THADA: variants seen among roughly 807,000 people sequenced by gnomAD.
THADA encodes the protein tRNA (32-2'-O)-methyltransferase regulator THADA.
A neutral mutation model predicts 219.8 loss-of-function variants in THADA; 213 were observed. That is an observed-to-expected ratio of 0.97 (90% CI 0.87 to 1.09). The LOEUF (loss-of-function observed/expected upper bound fraction) is 1.09. THADA is among the 50% of genes least tolerant of loss of function. THADA has a pLI of 0.00. For missense variants in THADA, 2,956 were observed against 2,311.3 expected, an observed-to-expected ratio of 1.28 and a Z score of -5.72; for synonymous variants, 1,018 against 828.9, an observed-to-expected ratio of 1.23 and a Z score of -3.92.
Position 43,530,539 on chromosome 2 carries a change from G to A in THADA, c.3265-2551C>T, listed in dbSNP as rs533849430. Among the ~76,000 whole-genome samples, 268 of 152,286 alleles carry A rather than the reference G, an allele frequency of 1.8e-3. 1 individual carries two copies. The highest frequency in any genetic ancestry group is 6.2e-3 in the African/African-American group (257 of 41,580). On this transcript the variant is annotated intron_variant, in intron 21 of 37. Transcript: ENST00000405975. ...TATTAGAGAAACAAGAGATTTCTAA[G>A]AAGGTACTTAAAGACAGAAAATAAA...
At chr2:43,267,561 G>C (rs1671662063) in intron 36 of THADA, among the ~76,000 whole-genome samples, 1 of 152,188 alleles carries the variant, frequency 6.6e-6, no homozygotes, top group African/African-American at 2.4e-5. Context: ...GCTGAGATCT[G>C]TGGCAGATGA....
chr2:43,538,072 A>C (rs531345825), intron 21 of THADA, among the ~76,000 whole-genome samples: 5 of 152,302 alleles, frequency 3.3e-5, no homozygotes, highest in African/African-American at 1.2e-4. Flanking sequence ...AAATCTACCT[A>C]GTAGTTTCTT....
chr2:43,520,106 AG>A (rs1300190176), intron 22 of THADA, among the ~76,000 whole-genome samples: 2 of 152,228 alleles, frequency 1.3e-5, no homozygotes, highest in Non-Finnish European at 2.9e-5. Context: ...GGATATAAAA[AG>A]AAAGGTTCTC....
chr2:43,591,825 A>T, intron 3 of THADA, 127 bp downstream of exon 3: 2 of 554,868 alleles, frequency 3.6e-6, no homozygotes, highest in Non-Finnish European at 6.0e-6. Flanking sequence ...AAAAAAAAAA[A>T]TACTTATTTG....
chr2:43,487,555 G>C (rs970221240), intron 25 of THADA, among the ~76,000 whole-genome samples: 4 of 152,198 alleles, frequency 2.6e-5, no homozygotes, highest in African/African-American at 9.6e-5. Context: ...CTATCTGCCT[G>C]ATCCATCCTG....
intron 16 of THADA, among the ~76,000 whole-genome samples, chr2:43,557,917 C>A (rs896477578): frequency 1.3e-5 from 2 of 152,050 alleles, no homozygotes; most frequent in Admixed American, 6.5e-5. Context: ...AAATTCTTTA[C>A]CATTTGATAA....
chr2:43,582,815 T>C (rs2104108292), intron 7 of THADA, among the ~76,000 whole-genome samples: 1 of 152,060 alleles, frequency 6.6e-6, no homozygotes, highest in East Asian at 2.0e-4. Flanking sequence ...GTGATCCACC[T>C]GCCTCGCCCT....
In THADA at chr2:43,510,106, A is replaced by T. The variant is rs544436389; in HGVS notation, c.3375-1326T>A. The stretch of plus-strand genomic sequence containing the variant: ...AGGAAATTTATATACGTACTAGATA[A>T]TAGATAACATCAAGAAATTCTTTAT... On this transcript the variant is annotated intron_variant, in intron 22 of 37. Coordinates refer to ENST00000405975, the MANE Select transcript of THADA (RefSeq NM_022065.5). 7.7e-4 allele frequency among the ~76,000 whole-genome samples: 118 copies of T among 152,362 alleles called. 3 individuals carry two copies. The South Asian group carries it at 0.023, about 30-fold the overall frequency.
At chr2:43,484,957 A>AC (rs1411673857) in intron 26 of THADA, among the ~76,000 whole-genome samples, 1 of 151,188 alleles carries the variant, frequency 6.6e-6, no homozygotes, top group African/African-American at 2.5e-5. Flanking sequence ...AAAAAAACAA[A>AC]AAAAACACTA....
intron 26 of THADA, among the ~76,000 whole-genome samples, chr2:43,469,320 T>C (rs1458242959): frequency 3.3e-5 from 5 of 152,168 alleles, no homozygotes; most frequent in African/African-American, 1.2e-4. Context: ...TAATAAATAT[T>C]TGTGGGTTTG....
intron 30 of THADA, among the ~76,000 whole-genome samples, chr2:43,340,006 G>A (rs1312730725): frequency 6.6e-6 from 1 of 152,130 alleles, no homozygotes; most frequent in Non-Finnish European, 1.5e-5. Context: ...CAGACTGGGT[G>A]ATTCCTCTCT....
At chr2:43,585,346 CAAAAAAA>C (rs34682195) in intron 7 of THADA, among the ~76,000 whole-genome samples, 1,295 of 95,330 alleles carry the variant, frequency 0.014, 5 homozygotes, top group South Asian at 0.03. Context: ...CTCATTCCTA[CAAAAAAA>C]AAAAAAAAAA....
intron 26 of THADA, among the ~76,000 whole-genome samples, chr2:43,468,593 C>T (rs1684544494): frequency 6.6e-6 from 1 of 152,166 alleles, no homozygotes; most frequent in South Asian, 2.1e-4. Flanking sequence ...ATACTCACTG[C>T]TACCAAAGCT....
chr2:43,358,515 G>A (rs1669128326), intron 29 of THADA, among the ~76,000 whole-genome samples: 1 of 152,180 alleles, frequency 6.6e-6, no homozygotes. Flanking sequence ...AGCCAGAACT[G>A]TATCTCTAAT....
chr2:43,298,686 G>A (rs954714901), intron 31 of THADA, among the ~76,000 whole-genome samples: 1 of 152,142 alleles, frequency 6.6e-6, no homozygotes, highest in Non-Finnish European at 1.5e-5. Flanking sequence ...TGTAAGTATA[G>A]TCTGCTGGAC....
chr2:43,483,863 A>G (rs1397383838), intron 26 of THADA, among the ~76,000 whole-genome samples: 1 of 151,974 alleles, frequency 6.6e-6, no homozygotes, highest in African/African-American at 2.4e-5. Context: ...ATGACTTAAT[A>G]TCATATTTCA....
At chr2:43,357,200 T>C (rs746754283) in intron 29 of THADA, among the ~76,000 whole-genome samples, 1 of 152,240 alleles carries the variant, frequency 6.6e-6, no homozygotes, top group South Asian at 2.1e-4. Flanking sequence ...AAATGTTTAA[T>C]TTCATTAGTG....
chr2:43,396,494 T>C (rs1674053930), intron 29 of THADA, among the ~76,000 whole-genome samples: 1 of 152,096 alleles, frequency 6.6e-6, no homozygotes, highest in African/African-American at 2.4e-5. Flanking sequence ...AGGCATTTGT[T>C]GAATATAGAA....
intron 10 of THADA, among the ~76,000 whole-genome samples, chr2:43,575,599 C>T (rs1320479982): frequency 2.0e-5 from 3 of 152,044 alleles, no homozygotes; most frequent in South Asian, 2.1e-4. Flanking sequence ...TGCAGTGGTG[C>T]GATCTCGGCT....
Sources: gnomAD v4.1 joint callset for allele counts (sites outside exome capture counted in the v4.1 genomes callset) on GRCh38, gnomAD v4.1.1 for gene constraint, MANE v1.5 for transcripts, NCBI Gene and HGNC (gene_info 2026-07-23, HGNC 2026-07-21) for gene names.